The following DSCAML1 variants were observed in gnomAD, a reference collection of about 807,000 sequenced individuals.
The protein encoded by DSCAML1 is cell adhesion molecule DSCAML1.
In DSCAML1, 38 loss-of-function variants were observed where a neutral mutation model predicts 200.5. The observed-to-expected ratio is 0.19, with a 90% CI of 0.15 to 0.25. The LOEUF (loss-of-function observed/expected upper bound fraction) is 0.25. Among genes scored for constraint, DSCAML1 ranks in the 10% least tolerant of loss-of-function variants. The pLI, the probability that DSCAML1 is intolerant of heterozygous loss-of-function variation, is 1.00. For synonymous variants in DSCAML1, 1,215 were observed against 1,165.0 expected (o/e 1.04, Z -0.87); for missense variants, 2,223 against 2,858.8 (o/e 0.78, Z 5.07).
At position 117,505,747 on chromosome 11, in the gene DSCAML1, G is replaced by A. The variant is rs760289791; in HGVS notation, c.1784-15C>T. ...CAGAGGGGGCACTGGGAAGGCAAGC[G>A]GGTGCTGCCGTCAGGACCCTGTGCA... On this transcript the variant is annotated splice_polypyrimidine_tract_variant and intron_variant, in intron 8 of 32. Coordinates refer to ENST00000651296, the MANE Select transcript of DSCAML1 (RefSeq NM_020693.4). The surrounding 1 kb of genome is among the most constrained non-coding windows in gnomAD (Gnocchi z 6.7). 1.4e-5 allele frequency: 22 copies of A among 1,601,574 alleles called. No individual in the cohort carries two copies. The highest frequency in any genetic ancestry group is 1.7e-4 in the Middle Eastern group (1 of 6,050).
intron 19 of DSCAML1, among the ~76,000 whole-genome samples, chr11:117,453,079 C>T (rs758132261): frequency 1.1e-4 from 16 of 152,068 alleles, no homozygotes; most frequent in South Asian, 2.1e-4. Flanking sequence ...GGACTATGGG[C>T]GCCCACCATG....
At chr11:117,632,852 T>C (rs982525051) in intron 3 of DSCAML1, among the ~76,000 whole-genome samples, 5 of 152,240 alleles carry the variant, frequency 3.3e-5, no homozygotes, top group African/African-American at 9.6e-5. Flanking sequence ...ATATGTATCA[T>C]TTAATTCTCT....
intron 15 of DSCAML1, 131 bp downstream of exon 15, chr11:117,471,737 TC>T: frequency 1.2e-6 from 1 of 812,178 alleles, no homozygotes; most frequent in Non-Finnish European, 1.7e-6. Flanking sequence ...GACACAAACA[TC>T]TGTTAGGATG....
chr11:117,433,597 A>T, intron 27 of DSCAML1, 126 bp from the exon 28 acceptor site: 2 of 997,134 alleles, frequency 2.0e-6, no homozygotes, highest in Non-Finnish European at 2.9e-6. Flanking sequence ...TCTCCTAAGA[A>T]GCAGAAGGAG....
At chr11:117,600,085 G>C (rs74650069) in intron 3 of DSCAML1, among the ~76,000 whole-genome samples, 1 of 152,318 alleles carries the variant, frequency 6.6e-6, no homozygotes, top group East Asian at 1.9e-4. Flanking sequence ...GAGGTATGGC[G>C]AGAAGGGAAT....
intron 3 of DSCAML1, among the ~76,000 whole-genome samples, chr11:117,696,188 G>A (rs189547520): frequency 2.8e-3 from 425 of 152,312 alleles, no homozygotes; most frequent in African/African-American, 9.9e-3. Context: ...AAGAAGCTTC[G>A]CACGGGGTAC....
Position 117,437,319 on chromosome 11 carries a change from C to T in DSCAML1, c.4523G>A (p.Cys1508Tyr). ...CTCCAGAACGATGGCTGTGATAGGGCAGCCCCCATTGTTCCAGCCCTGCAG... is the reference window on the plus strand; with the variant it reads ...CTCCAGAACGATGGCTGTGATAGGGTAGCCCCCATTGTTCCAGCCCTGCAG... ...LNLQGWNNGG[C>Y]PITAIVLEYR... Residue 1508 changes from cysteine (C) to tyrosine (Y), a missense_variant, in exon 26 of 33, where the codon TGC (cysteine) becomes TAC (tyrosine). This residue lies in a region of DSCAML1 where 614 missense variants were observed against 739.1 expected (regional missense o/e 0.83). Transcript: ENST00000651296. The surrounding 1 kb of genome is among the most constrained non-coding windows in gnomAD (Gnocchi z 5.3). The T allele has an allele frequency of 6.2e-7, 1 of 1,614,264 alleles. No homozygotes were observed.
intron 1 of DSCAML1, among the ~76,000 whole-genome samples, chr11:117,805,765 C>T (rs185615172): frequency 2.3e-4 from 35 of 152,310 alleles, no homozygotes; most frequent in African/African-American, 7.2e-4. Context: ...AGGAGTTCCC[C>T]GATCCCTGGA....
chr11:117,492,014 T>C (rs1032926733), intron 11 of DSCAML1, among the ~76,000 whole-genome samples: 1 of 152,132 alleles, frequency 6.6e-6, no homozygotes, highest in Non-Finnish European at 1.5e-5. Flanking sequence ...TGGCTACACC[T>C]GAGAATCACC....
intron 11 of DSCAML1, among the ~76,000 whole-genome samples, chr11:117,501,692 C>T (rs2049398749): frequency 6.6e-6 from 1 of 152,050 alleles, no homozygotes. Flanking sequence ...TGGAGAGCAG[C>T]CCATCTGAGA....
intron 1 of DSCAML1, among the ~76,000 whole-genome samples, chr11:117,816,963 G>A (rs1015822993): frequency 6.6e-6 from 1 of 152,204 alleles, no homozygotes; most frequent in South Asian, 2.1e-4. Context: ...AGGCCACCCA[G>A]CCAGGAAGTG....
intron 3 of DSCAML1, among the ~76,000 whole-genome samples, chr11:117,712,308 G>T (rs1056395657): frequency 2.6e-5 from 4 of 152,140 alleles, no homozygotes; most frequent in African/African-American, 9.7e-5. Context: ...TAATGGGTGT[G>T]GACAGTGGGG....
intron 27 of DSCAML1, among the ~76,000 whole-genome samples, chr11:117,435,341 CTGTT>C (rs2047891828): frequency 6.6e-6 from 1 of 152,218 alleles, no homozygotes; most frequent in Non-Finnish European, 1.5e-5. Flanking sequence ...GGAGCAACAT[CTGTT>C]TACCAACCAA....
In DSCAML1 at chr11:117,512,373, G is replaced by A. The variant is rs566902573; in HGVS notation, c.1783+4094C>T. Among the ~76,000 whole-genome samples, 22 of 152,148 alleles carry A rather than the reference G, an allele frequency of 1.4e-4. No individual in the cohort carries two copies. The East Asian group carries it at 3.9e-3, about 27-fold the overall frequency. On this transcript the variant is annotated intron_variant, in intron 8 of 32. Coordinates refer to ENST00000651296, the MANE Select transcript of DSCAML1 (RefSeq NM_020693.4). ...GGGTAGTTCTTGGAACAGCGCATCC[G>A]CTAATCAAGCAGCGTGATCATAATC...
intron 3 of DSCAML1, among the ~76,000 whole-genome samples, chr11:117,761,391 C>T (rs1233259931): frequency 6.6e-6 from 1 of 152,232 alleles, no homozygotes; most frequent in Non-Finnish European, 1.5e-5. Flanking sequence ...CCTCCTCCTA[C>T]AGAGAGTTCA....
chr11:117,561,231 C>A (rs1432879155), intron 3 of DSCAML1, among the ~76,000 whole-genome samples: 1 of 152,200 alleles, frequency 6.6e-6, no homozygotes, highest in East Asian at 1.9e-4. Context: ...AGATCCCTCC[C>A]TAATGGGAGG....
At chr11:117,714,526 G>C (rs912032650) in intron 3 of DSCAML1, among the ~76,000 whole-genome samples, 1 of 152,114 alleles carries the variant, frequency 6.6e-6, no homozygotes, top group Non-Finnish European at 1.5e-5. Flanking sequence ...GAACAAGAAA[G>C]TTTCCGCTGG....
At chr11:117,533,988 T>C (rs1403279825) in intron 3 of DSCAML1, among the ~76,000 whole-genome samples, 1 of 152,152 alleles carries the variant, frequency 6.6e-6, no homozygotes, top group East Asian at 1.9e-4. Context: ...AGGATACTGA[T>C]AGTGACTTCA....
intron 8 of DSCAML1, among the ~76,000 whole-genome samples, chr11:117,513,630 A>ACTC (rs1374141215): frequency 1.3e-5 from 2 of 151,624 alleles, no homozygotes; most frequent in African/African-American, 4.9e-5. Context: ...AGTCCCAGCT[A>ACTC]CTCAGGAGGC....
Sources: allele counts gnomAD v4.1 joint callset (sites outside exome capture counted in the v4.1 genomes callset), GRCh38; gene constraint gnomAD v4.1.1; regional missense constraint gnomAD v4.1.1; non-coding constraint Gnocchi (gnomAD v3.1); transcripts MANE v1.5; gene names NCBI Gene and HGNC (gene_info 2026-07-23, HGNC 2026-07-21).